JAK1: variants seen among roughly 807,000 people sequenced by gnomAD.
JAK1 encodes tyrosine-protein kinase JAK1.
Under a neutral mutation model 136.6 loss-of-function variants are expected in JAK1, and 16 were observed. The observed-to-expected ratio is 0.12, with a 90% CI of 0.08 to 0.18. The LOEUF is 0.18. JAK1 is among the 10% of genes least tolerant of loss of function. JAK1 has a pLI of 1.00. For missense variants in JAK1, 859 were observed against 1,450.1 expected, an observed-to-expected ratio of 0.59 and a Z score of 6.62; for synonymous variants, 492 against 519.5, an observed-to-expected ratio of 0.95 and a Z score of 0.72.
At chr1:64,997,802 T>G (rs1417484558) in intron 2 of JAK1, among the ~76,000 whole-genome samples, 1 of 152,136 alleles carries the variant, frequency 6.6e-6, no homozygotes, top group East Asian at 1.9e-4. Context: ...ACAATGCTTA[T>G]GTGAAGGATA....
intron 4 of JAK1, among the ~76,000 whole-genome samples, chr1:64,878,075 C>T (rs951456843): frequency 7.9e-5 from 12 of 152,142 alleles, no homozygotes; most frequent in Non-Finnish European, 1.0e-4. Flanking sequence ...GTGAAGTCTC[C>T]GAGATTTCAG....
intron 3 of JAK1, 116 bp downstream of exon 3, chr1:64,883,161 A>G: frequency 1.3e-6 from 1 of 775,882 alleles, no homozygotes; most frequent in Non-Finnish European, 2.0e-6. Context: ...GAGGAACCTG[A>G]CTCCAGAGTC....
intron 2 of JAK1, among the ~76,000 whole-genome samples, chr1:65,008,387 AT>A: frequency 6.6e-6 from 1 of 152,220 alleles, no homozygotes; most frequent in Non-Finnish European, 1.5e-5. Context: ...TTGAGGTCAC[AT>A]TAGAGAAATT....
At chr1:64,838,675 C>T (rs1557619388) in intron 20 of JAK1, 86 bp from the exon 21 acceptor site, 2 of 1,416,044 alleles carry the variant, frequency 1.4e-6, no homozygotes, top group South Asian at 1.2e-5. Flanking sequence ...GAGACAGAGG[C>T]CCTGAGGTGA....
At chr1:64,882,999 C>T (rs1243119721) in intron 3 of JAK1, among the ~76,000 whole-genome samples, 10 of 152,132 alleles carry the variant, frequency 6.6e-5, no homozygotes, top group Admixed American at 1.3e-4. Flanking sequence ...CCTGGATCCA[C>T]AGAAGTCAAG....
Position 65,057,700 on chromosome 1 carries a change from C to T in JAK1, c.-181+9904G>A, listed in dbSNP as rs141474466. The T allele has an allele frequency of 1.2e-3, 180 of 154,902 alleles. 1 individual carries two copies. In the East Asian group the frequency reaches 0.023, roughly 20 times the overall value. The allele number at this position is 154,902 out of a possible 1,614,324, so 9.6% of individuals were successfully genotyped here. ...AAAAAATTTCCTAGTCTTTCATGCACGTGATGCTGGCTTGGTGTTTACAGC... is the reference window on the plus strand; with the variant it reads ...AAAAAATTTCCTAGTCTTTCATGCATGTGATGCTGGCTTGGTGTTTACAGC... On this transcript the variant is annotated intron_variant, in intron 1 of 25. Coordinates refer to the JAK1 transcript ENST00000671954.
intron 2 of JAK1, among the ~76,000 whole-genome samples, chr1:64,994,386 T>C (rs1160458180): frequency 1.3e-5 from 2 of 152,224 alleles, no homozygotes; most frequent in Admixed American, 6.5e-5. Context: ...ATCTTAGTTT[T>C]ATGTGGCTGT....
At chr1:64,974,867 T>G (rs750076717) in intron 2 of JAK1, among the ~76,000 whole-genome samples, 25 of 152,100 alleles carry the variant, frequency 1.6e-4, no homozygotes, top group Non-Finnish European at 3.4e-4. Context: ...TCTTTTCTTT[T>G]TTTGTTTTGT....
chr1:64,875,993 G>A (rs1657381344), intron 4 of JAK1: 1 of 152,392 alleles, frequency 6.6e-6, no homozygotes, highest in Admixed American at 6.5e-5. Context: ...GCCAACAGGA[G>A]GGGTAAATGC....
intron 3 of JAK1, among the ~76,000 whole-genome samples, chr1:64,881,426 G>A (rs969188850): frequency 6.6e-6 from 1 of 151,810 alleles, no homozygotes; most frequent in African/African-American, 2.4e-5. Context: ...GCAGAGCTGA[G>A]AATCAAACCA....
intron 19 of JAK1, 30 bp from the exon 20 acceptor site, chr1:64,839,825 AG>A: frequency 6.4e-7 from 1 of 1,565,922 alleles, no homozygotes; most frequent in Non-Finnish European, 8.7e-7. Flanking sequence ...TGCTGTTATC[AG>A]GGAAGCCCCA....
Position 64,877,310 on chromosome 1 carries a change from T to C in JAK1, c.329+1715A>G, listed in dbSNP as rs564691204. ...TCTTTGTAGTTTGTCATCAGGCAAATGTTTTAGCTTAGGGTGGTATTTTTT... is the reference window on the plus strand; with the variant it reads ...TCTTTGTAGTTTGTCATCAGGCAAACGTTTTAGCTTAGGGTGGTATTTTTT... On this transcript the variant is annotated intron_variant, in intron 4 of 24. Transcript: ENST00000342505. Among the ~76,000 whole-genome samples the C allele has an allele frequency of 5.9e-4, 90 of 152,228 alleles. 1 individual carries two copies. Among genetic ancestry groups the C allele is most frequent in the Non-Finnish European group, 1.2e-3 (80 of 68,008 alleles).
chr1:64,917,528 T>C lies in JAK1; in HGVS notation c.-77-31187A>G, dbSNP rs112138799. Among the ~76,000 whole-genome samples, 325 of 152,270 alleles carry C rather than the reference T, an allele frequency of 2.1e-3. 2 individuals are homozygous for C. Among genetic ancestry groups the C allele is most frequent in the Non-Finnish European group, 3.4e-3 (228 of 68,018 alleles). ...CCAATCCCCATGTGAGCAGGGCAAC[T>C]TGAGGGATACTTATGTTGAGGGCAG... On this transcript the variant is annotated intron_variant, in intron 1 of 24. Transcript: ENST00000342505.
chr1:64,975,839 C>T (rs1046818516), intron 2 of JAK1, among the ~76,000 whole-genome samples: 1 of 152,190 alleles, frequency 6.6e-6, no homozygotes, highest in Non-Finnish European at 1.5e-5. Flanking sequence ...CCATCCACTT[C>T]CTCGGGCTGA....
In JAK1 at chr1:64,984,077, TTA is replaced by T. The variant is rs1228852695; in HGVS notation, c.-78+60401_-78+60402del. Among the ~76,000 whole-genome samples the T allele has an allele frequency of 1.3e-5, 2 of 152,232 alleles. No individual in the cohort carries two copies. The highest frequency in any genetic ancestry group is 1.3e-4 in the Admixed American group (2 of 15,274). On this transcript the variant is annotated intron_variant, in intron 2 of 25. Transcript: ENST00000671954. The surrounding 1 kb of genome is among the most constrained non-coding windows in gnomAD (Gnocchi z 4.1). ...ACACCTCCTTTTAACCTCAGTTTCC[TTA>T]TGTTTTCATTATTTGGCAAAATTAC... is the stretch of plus-strand genomic sequence containing the variant.
At chr1:65,054,108 T>C (rs1488440829) in intron 1 of JAK1, among the ~76,000 whole-genome samples, 3 of 152,130 alleles carry the variant, frequency 2.0e-5, no homozygotes, top group Non-Finnish European at 2.9e-5. Context: ...GGTCCACAAA[T>C]GAATCCTTTT....
rs1646779702 is a variant in JAK1 at position 65,003,498 on chromosome 1, T to C, written c.-78+40982A>G. 3 of 152,310 alleles carry C rather than the reference T, an allele frequency of 2.0e-5. No individual in the cohort carries two copies. The South Asian group carries it at 6.2e-4, about 32-fold the overall frequency. 9.4% of individuals were successfully genotyped at this position (152,310 alleles called of 1,614,324 possible). ...GGAGCTCTCCAAGAATCATAGTGTT[T>C]ATTAACAATGATTGTGCTTAGTAGA... On this transcript the variant is annotated intron_variant, in intron 2 of 25. Coordinates refer to the JAK1 transcript ENST00000671954.
chr1:64,857,355 G>T (rs1656004191), intron 10 of JAK1, among the ~76,000 whole-genome samples: 2 of 152,228 alleles, frequency 1.3e-5, no homozygotes, highest in Non-Finnish European at 2.9e-5. Context: ...CTTTCCAAGT[G>T]TTGGGTGTGA....
At chr1:64,879,291 C>T (rs920886202) in intron 3 of JAK1, 143 bp from the exon 4 acceptor site, 1 of 928,074 alleles carries the variant, frequency 1.1e-6, no homozygotes, top group African/African-American at 1.7e-5. Context: ...GGCAAACAGA[C>T]TTCCGACCAG....
Sources: gnomAD v4.1 joint callset for allele counts (sites outside exome capture counted in the v4.1 genomes callset) on GRCh38, gnomAD v4.1.1 for gene constraint, Gnocchi (gnomAD v3.1) non-coding constraint, MANE v1.5 for transcripts, NCBI Gene and HGNC (gene_info 2026-07-23, HGNC 2026-07-21) for gene names.